The following TRPC7 variants were observed in gnomAD, a reference collection of about 807,000 sequenced individuals.
TRPC7 encodes the protein short transient receptor potential channel 7.
Under a neutral mutation model 90.1 loss-of-function variants are expected in TRPC7, and 42 were observed. The observed-to-expected ratio is 0.47, with a 90% CI of 0.36 to 0.60. TRPC7 has a LOEUF of 0.60. Ranked by LOEUF, TRPC7 falls within the 20% of genes least tolerant of loss-of-function variation. The pLI is 0.00. For missense variants in TRPC7, 955 were observed against 1,112.3 expected (o/e 0.86, Z 2.01); for synonymous variants, 451 against 436.3 (o/e 1.03, Z -0.42).
chr5:136,334,966 C>T (rs781658664), intron 2 of TRPC7, among the ~76,000 whole-genome samples: 1 of 151,966 alleles, frequency 6.6e-6, no homozygotes, highest in East Asian at 1.9e-4. Flanking sequence ...CTAAAAGCCC[C>T]GGGAGACATA....
Position 136,213,580 on chromosome 5 carries a change from T to C in TRPC7, c.2444A>G (p.Asp815Gly), listed in dbSNP as rs751504622. Residue 815 changes from aspartate (D) to glycine (G), a missense_variant, in exon 12 of 12, where the codon GAT (aspartate) becomes GGT (glycine). Asp to Gly is a moderately conservative substitution (Grantham distance 94). Coordinates refer to ENST00000513104, the MANE Select transcript of TRPC7 (RefSeq NM_020389.3). ...NEGELKEIKQ[D>G]ISSLRYELLE... ...AAGCTCATAGCGCAGGCTGGAGATATCTTGCTTGATTTCCTTCAGCTCGCC... is the reference window on the plus strand; with the variant it reads ...AAGCTCATAGCGCAGGCTGGAGATACCTTGCTTGATTTCCTTCAGCTCGCC... 5.0e-6 allele frequency: 8 copies of C among 1,614,008 alleles called. No individual in the cohort carries two copies. Among genetic ancestry groups the C allele is most frequent in the Non-Finnish European group, 6.8e-6 (8 of 1,179,902 alleles).
intron 2 of TRPC7, 77 bp downstream of exon 2, chr5:136,356,531 C>T: frequency 7.3e-7 from 1 of 1,372,930 alleles, no homozygotes; most frequent in East Asian, 2.5e-5. Flanking sequence ...GATTTGAAGA[C>T]AACCCATTTC....
chr5:136,343,231 C>T (rs1270311729), intron 2 of TRPC7, among the ~76,000 whole-genome samples: 2 of 152,086 alleles, frequency 1.3e-5, no homozygotes, highest in African/African-American at 2.4e-5. Context: ...ATGCATAAAC[C>T]ATTTCAAAAG....
chr5:136,315,854 G>A (rs532367322), intron 2 of TRPC7, 75 bp from the exon 3 acceptor site: 4 of 1,391,086 alleles, frequency 2.9e-6, no homozygotes, highest in Admixed American at 3.8e-5. Flanking sequence ...TAGCAGTGTC[G>A]ATCAGCAACT....
At position 136,261,930 on chromosome 5, in the gene TRPC7, C is replaced by G. The variant is rs530673784; in HGVS notation, c.1345+4290G>C. On this transcript the variant is annotated intron_variant, in intron 5 of 11. Coordinates refer to ENST00000513104, the MANE Select transcript of TRPC7 (RefSeq NM_020389.3). ...ATCTCTATTCCCCCTGCAAACTGCT[C>G]CACCTTGGGTCTTTCCCATCTTAGT... is the stretch of plus-strand genomic sequence containing the variant. Among the ~76,000 whole-genome samples, 73 of 152,296 alleles carry G rather than the reference C, an allele frequency of 4.8e-4. 1 individual carries two copies. The South Asian group carries it at 9.9e-3, about 21-fold the overall frequency.
At chr5:136,282,479 A>C in intron 3 of TRPC7, among the ~76,000 whole-genome samples, 1 of 152,202 alleles carries the variant, frequency 6.6e-6, no homozygotes, top group East Asian at 1.9e-4. Flanking sequence ...AATTCAGTCT[A>C]TCTCCTGTAA....
rs746866069 is a variant in TRPC7 at position 136,251,685 on chromosome 5, C to T, written c.1543G>A (p.Val515Ile). ...QHVQDDTLHN[V>I]SLPPEVAYFT... is the part of the protein sequence containing the mutation. ...TATGCCACTTCCGGCGGAAGCGAGA[C>T]ATTGTGCAGCGTGTCGTCCTGCACG... The change falls in exon 6 of 12, where the codon GTC becomes ATC. Residue 515 changes from valine (V) to isoleucine (I), a missense_variant. Physicochemically the swap from Val to Ile is conservative, Grantham distance 29. Transcript: ENST00000513104. The T allele has an allele frequency of 7.4e-6, 12 of 1,611,832 alleles. 1 individual carries two copies. The South Asian group carries it at 7.7e-5, about 10-fold the overall frequency.
chr5:136,301,568 A>G (rs1472052077), intron 3 of TRPC7, among the ~76,000 whole-genome samples: 4 of 152,078 alleles, frequency 2.6e-5, no homozygotes, highest in South Asian at 2.1e-4. Context: ...ACCCTTAAGA[A>G]GGTACTTTGT....
rs915561393 is a variant in TRPC7 at position 136,356,544 on chromosome 5, A to C, written c.780+64T>G. ...TAGATTTGAAGACAACCCATTTCAC[A>C]CTGGACACACGTGGAAGAGCCCCCT... is the stretch of plus-strand genomic sequence containing the variant. On this transcript the variant is annotated intron_variant, in intron 2 of 11. Transcript: ENST00000513104. 22 of 1,436,726 alleles carry C rather than the reference A, an allele frequency of 1.5e-5. No homozygotes were observed. The East Asian group carries it at 5.3e-4, about 34-fold the overall frequency. 89.0% of individuals were successfully genotyped at this position (1,436,726 alleles called of 1,614,324 possible).
intron 3 of TRPC7, among the ~76,000 whole-genome samples, chr5:136,306,363 A>T (rs945133407): frequency 5.9e-5 from 9 of 151,956 alleles, no homozygotes; most frequent in Admixed American, 3.9e-4. Flanking sequence ...TCTTCTAACA[A>T]CCCCACAATA....
intron 5 of TRPC7, among the ~76,000 whole-genome samples, chr5:136,255,878 CTA>C (rs1217035077): frequency 1.3e-5 from 2 of 152,202 alleles, no homozygotes; most frequent in African/African-American, 2.4e-5. Flanking sequence ...AGGTCTGCCC[CTA>C]GAGTTCATGT....
chr5:136,289,810 G>A (rs1396754689), intron 3 of TRPC7, among the ~76,000 whole-genome samples: 9 of 152,210 alleles, frequency 5.9e-5, no homozygotes, highest in Admixed American at 3.9e-4. Flanking sequence ...CTCCCAGCAC[G>A]CAGCTTGAGA....
At chr5:136,311,844 G>A (rs1198483755) in intron 3 of TRPC7, among the ~76,000 whole-genome samples, 5 of 152,164 alleles carry the variant, frequency 3.3e-5, no homozygotes. Context: ...CACTGAGGTG[G>A]GTAAGAGAAA....
At chr5:136,358,069 T>C (rs984594141) in intron 1 of TRPC7, among the ~76,000 whole-genome samples, 1 of 152,174 alleles carries the variant, frequency 6.6e-6, no homozygotes, top group Non-Finnish European at 1.5e-5. Context: ...TTCTGTGCTG[T>C]TCTTTATGGG....
intron 2 of TRPC7, among the ~76,000 whole-genome samples, chr5:136,322,328 A>C (rs982145315): frequency 3.3e-5 from 5 of 152,136 alleles, no homozygotes; most frequent in African/African-American, 1.2e-4. Flanking sequence ...TTCCTGTACA[A>C]GTTTATTGTG....
intron 8 of TRPC7, among the ~76,000 whole-genome samples, chr5:136,229,193 T>A (rs1755737968): frequency 6.6e-6 from 1 of 152,234 alleles, no homozygotes; most frequent in East Asian, 1.9e-4. Flanking sequence ...TAAAAATATA[T>A]GTGTTGTTTG....
chr5:136,286,213 A>G (rs1580901117), intron 3 of TRPC7, among the ~76,000 whole-genome samples: 1 of 152,172 alleles, frequency 6.6e-6, no homozygotes, highest in East Asian at 1.9e-4. Context: ...TCCTGAGGTA[A>G]ACGGCATTTC....
chr5:136,261,736 C>T (rs1166933823), intron 5 of TRPC7, among the ~76,000 whole-genome samples: 1 of 152,196 alleles, frequency 6.6e-6, no homozygotes, highest in Non-Finnish European at 1.5e-5. Context: ...CAGTTCTCTG[C>T]CCACATTCAT....
chr5:136,287,064 A>G (rs1188266171), intron 3 of TRPC7, among the ~76,000 whole-genome samples: 1 of 152,114 alleles, frequency 6.6e-6, no homozygotes, highest in African/African-American at 2.4e-5. Flanking sequence ...TGTAGTCCAG[A>G]TGCCGCCTAC....
Sources: gnomAD v4.1 joint callset for allele counts (sites outside exome capture counted in the v4.1 genomes callset) on GRCh38, gnomAD v4.1.1 for gene constraint, MANE v1.5 for transcripts, NCBI Gene and HGNC (gene_info 2026-07-23, HGNC 2026-07-21) for gene names.